The following TMIGD3 variants were observed in gnomAD, a reference collection of about 807,000 sequenced individuals.
The protein encoded by TMIGD3 is AD026 protein (AD026).
TMIGD3 carries 21 observed loss-of-function variants against 28.1 expected under a neutral mutation model. The ratio of observed to expected loss-of-function variants is 0.75; its 90% CI spans 0.53 to 1.08. The LOEUF (loss-of-function observed/expected upper bound fraction) is 1.08. Ranked by LOEUF, TMIGD3 falls within the 50% of genes least tolerant of loss-of-function variation. The probability of loss-of-function intolerance (pLI) is 0.00; values close to 1 mark genes in which losing one functional copy is unlikely to be tolerated. For synonymous variants in TMIGD3, 151 were observed against 162.1 expected, an observed-to-expected ratio of 0.93 and a Z score of 0.52; for missense variants, 416 against 435.6, an observed-to-expected ratio of 0.96 and a Z score of 0.40.
chr1:111,486,713 C>G, intron 3 of TMIGD3, 61 bp from the exon 4 acceptor site: 4 of 1,357,024 alleles, frequency 2.9e-6, no homozygotes, highest in Non-Finnish European at 4.2e-6. Flanking sequence ...ACCTCTGCCT[C>G]CCAGCTGCAG....
intron 1 of TMIGD3, among the ~76,000 whole-genome samples, chr1:111,528,838 C>A (rs1435640628): frequency 6.6e-6 from 1 of 151,988 alleles, no homozygotes; most frequent in Non-Finnish European, 1.5e-5. Context: ...TATAGAGAAG[C>A]AATTGACTTT....
chr1:111,506,913 T>TATTACA (rs10653520), upstream of TMIGD3, among the ~76,000 whole-genome samples: 1 of 121,908 alleles, frequency 8.2e-6, no homozygotes, highest in Non-Finnish European at 1.6e-5. Flanking sequence ...TATATATATA[T>TATTACA]TATATATATA....
At chr1:111,559,378 G>C (rs1039630294) in intron 1 of TMIGD3, among the ~76,000 whole-genome samples, 10 of 152,110 alleles carry the variant, frequency 6.6e-5, no homozygotes, top group African/African-American at 2.4e-4. Context: ...TTACGATTCA[G>C]CAGTGACCTA....
At chr1:111,543,510 A>C (rs1656922802) in intron 1 of TMIGD3, among the ~76,000 whole-genome samples, 1 of 152,226 alleles carries the variant, frequency 6.6e-6, no homozygotes, top group Admixed American at 6.5e-5. Context: ...GTATTCACCA[A>C]AATGTTAACA....
rs111461742 is a variant in TMIGD3, at chr1:111,527,191, T to C, written c.108-36429A>G. ...ACACCCAGATAATTTTTTGTATTTT[T>C]AGTAGAGACAGGGTTTCACCATGTT... On this transcript the variant is annotated intron_variant, in intron 1 of 5. Transcript: ENST00000369717. 8.9e-3 allele frequency among the ~76,000 whole-genome samples: 1,354 copies of C among 152,106 alleles called. 16 individuals are homozygous for C. Among genetic ancestry groups the C allele is most frequent in the African/African-American group, 0.03 (1,256 of 41,496 alleles).
chr1:111,488,587 G>T, intron 3 of TMIGD3, 90 bp downstream of exon 3: 1 of 1,203,726 alleles, frequency 8.3e-7, no homozygotes, highest in Non-Finnish European at 1.2e-6. Context: ...AGTCTGAGTT[G>T]GGGCTCACTG....
Position 111,485,725 on chromosome 1 carries a change from A to AAAAAAAAT in TMIGD3, c.973+14_973+15insATTTTTTT. ...TAATTCTTGCCCACCCCCTCCCTCA[A>AAAAAAAAT]CAATAGCTACTTACCCCTTCTATTC... On this transcript the variant is annotated intron_variant, in intron 5 of 5. Coordinates refer to ENST00000369716, the MANE Select transcript of TMIGD3 (RefSeq NM_020683.7). 1 of 1,419,110 alleles carries AAAAAAAAT rather than the reference A, an allele frequency of 7.0e-7. No homozygotes were observed. Among genetic ancestry groups the AAAAAAAAT allele is most frequent in the Non-Finnish European group, 9.8e-7 (1 of 1,022,714 alleles). The allele number at this position is 1,419,110 out of a possible 1,614,324, so 87.9% of individuals were successfully genotyped here. A position where few individuals can be genotyped will look rare whatever the true frequency, so the allele number is the denominator to read the frequency against.
intron 1 of TMIGD3, among the ~76,000 whole-genome samples, chr1:111,561,096 G>T (rs998386816): frequency 2.0e-5 from 3 of 152,080 alleles, no homozygotes; most frequent in African/African-American, 7.2e-5. Context: ...CATCTTCAAA[G>T]CTCCTCCCTA....
chr1:111,530,178 G>T (rs1317603188), intron 1 of TMIGD3, among the ~76,000 whole-genome samples: 3 of 152,118 alleles, frequency 2.0e-5, no homozygotes, highest in Non-Finnish European at 4.4e-5. Flanking sequence ...TGTAACAAAA[G>T]GTTTATAGTA....
intron 1 of TMIGD3, among the ~76,000 whole-genome samples, chr1:111,496,337 C>CA (rs750857269): frequency 8.5e-5 from 13 of 152,168 alleles, no homozygotes; most frequent in Non-Finnish European, 1.8e-4. Context: ...ACCCTGCCTA[C>CA]AGCTTCCCCA....
At chr1:111,528,656 A>C (rs2101011312) in intron 1 of TMIGD3, among the ~76,000 whole-genome samples, 1 of 152,292 alleles carries the variant, frequency 6.6e-6, no homozygotes, top group East Asian at 1.9e-4. Context: ...ATGATAATGG[A>C]ATATCTCTTT....
chr1:111,487,223 C>G (rs1195965599), intron 3 of TMIGD3, among the ~76,000 whole-genome samples: 1 of 152,204 alleles, frequency 6.6e-6, no homozygotes, highest in African/African-American at 2.4e-5. Context: ...GTTCTCTTGT[C>G]TGAGCCTAAG....
intron 1 of TMIGD3, chr1:111,500,260 T>C (rs778453586): frequency 2.5e-6 from 4 of 1,614,016 alleles, no homozygotes. Flanking sequence ...ACCTGTCTCT[T>C]TGGAGTTAGA....
intron 1 of TMIGD3, among the ~76,000 whole-genome samples, chr1:111,533,598 T>C (rs550710795): frequency 6.6e-6 from 1 of 152,264 alleles, no homozygotes; most frequent in South Asian, 2.1e-4. Context: ...TTGTCTCCCA[T>C]GCTGGAGTGC....
At chr1:111,514,975 G>C (rs1176211552) in intron 1 of TMIGD3, among the ~76,000 whole-genome samples, 1 of 152,200 alleles carries the variant, frequency 6.6e-6, no homozygotes, top group Non-Finnish European at 1.5e-5. Flanking sequence ...AGTTTGCACT[G>C]CTAGCAAAGG....
chr1:111,556,753 T>C (rs1023800252), intron 1 of TMIGD3, among the ~76,000 whole-genome samples: 14 of 152,112 alleles, frequency 9.2e-5, no homozygotes, highest in Non-Finnish European at 1.5e-4. Flanking sequence ...GAGTGGATAG[T>C]TAGTGTTTAA....
At chr1:111,524,799 T>A (rs1448905489) in intron 1 of TMIGD3, among the ~76,000 whole-genome samples, 1 of 152,134 alleles carries the variant, frequency 6.6e-6, no homozygotes, top group Admixed American at 6.5e-5. Context: ...TTTGTATTTT[T>A]AGTAGAGACA....
chr1:111,556,103 G>T (rs1257929252), intron 1 of TMIGD3, among the ~76,000 whole-genome samples: 1 of 152,116 alleles, frequency 6.6e-6, no homozygotes, highest in Non-Finnish European at 1.5e-5. Context: ...TTTAAAAAGG[G>T]CAAAGGACTT....
At chr1:111,530,991 T>A (rs945887716) in intron 1 of TMIGD3, among the ~76,000 whole-genome samples, 2 of 152,264 alleles carry the variant, frequency 1.3e-5, no homozygotes, top group Non-Finnish European at 2.9e-5. Context: ...AGTTTTGTCA[T>A]AGCTTACTCA....
Sources: gnomAD v4.1 joint callset for allele counts (sites outside exome capture counted in the v4.1 genomes callset) on GRCh38, gnomAD v4.1.1 for gene constraint, MANE v1.5 for transcripts, NCBI Gene and HGNC (gene_info 2026-07-23, HGNC 2026-07-21) for gene names.